MMP17: variants seen among roughly 807,000 people sequenced by gnomAD.
MMP17 encodes the protein matrix metalloproteinase-17.
MMP17 carries 54 observed loss-of-function variants against 49.1 expected under a neutral mutation model. The ratio of observed to expected loss-of-function variants is 1.10; its 90% CI spans 0.88 to 1.38. The LOEUF is 1.38. Ranked by LOEUF, MMP17 falls within the 40% of genes most tolerant of loss-of-function variation. The pLI is 0.00. For missense variants in MMP17, 837 were observed against 853.7 expected (o/e 0.98, Z 0.24); for synonymous variants, 397 against 383.1 (o/e 1.04, Z -0.42).
chr12:131,836,793 A>C (rs1887106649), intron 1 of MMP17, among the ~76,000 whole-genome samples: 1 of 152,032 alleles, frequency 6.6e-6, no homozygotes, highest in South Asian at 2.1e-4. Flanking sequence ...GCGAGTATCC[A>C]CAGGGCAGAG....
At chr12:131,834,035 G>A (rs1359960172) in intron 1 of MMP17, among the ~76,000 whole-genome samples, 1 of 152,266 alleles carries the variant, frequency 6.6e-6, no homozygotes, top group Non-Finnish European at 1.5e-5. Context: ...TGAATCCAGA[G>A]TGGGCCTGGG....
chr12:131,836,423 G>A lies in MMP17; in HGVS notation c.160-1772G>A, dbSNP rs577570597. On this transcript the variant is annotated intron_variant, in intron 1 of 9. Transcript: ENST00000360564. ...ACCAGCTCCTGCAGACCAGAACCTG[G>A]AGGCCCAGCAGGTGGCATAAATGAG... 2.2e-3 allele frequency among the ~76,000 whole-genome samples: 340 copies of A among 152,008 alleles called. 3 individuals are homozygous for A. The highest frequency in any genetic ancestry group is 0.01 in the Middle Eastern group (3 of 290).
At chr12:131,833,063 A>G (rs1209502933) in intron 1 of MMP17, among the ~76,000 whole-genome samples, 1 of 152,214 alleles carries the variant, frequency 6.6e-6, no homozygotes, top group African/African-American at 2.4e-5. Flanking sequence ...GGCTGAGCTG[A>G]GGATACATGT....
chr12:131,830,865 C>G (rs1222251567), intron 1 of MMP17, among the ~76,000 whole-genome samples: 1 of 152,220 alleles, frequency 6.6e-6, no homozygotes, highest in East Asian at 1.9e-4. Flanking sequence ...AAAGAGCGCA[C>G]TGTCCCCCCG....
At chr12:131,828,935 C>T (rs2136301940) in intron 1 of MMP17, among the ~76,000 whole-genome samples, 1 of 152,124 alleles carries the variant, frequency 6.6e-6, no homozygotes, top group African/African-American at 2.4e-5. Context: ...GTGAGGGGGT[C>T]GCCCACCCGG....
At chr12:131,850,736 G>A (rs1268615071) in intron 9 of MMP17, among the ~76,000 whole-genome samples, 189 bp from the exon 10 acceptor site, 3 of 150,322 alleles carry the variant, frequency 2.0e-5, no homozygotes, top group Non-Finnish European at 4.4e-5. Context: ...CATCTAGCAC[G>A]AGCCGCCCCC....
chr12:131,840,477 G>A (rs1566087092), intron 3 of MMP17, 96 bp from the exon 4 acceptor site: 2 of 1,372,818 alleles, frequency 1.5e-6, no homozygotes, highest in Non-Finnish European at 2.0e-6. Flanking sequence ...CCCTCATAGG[G>A]GCACCCCCGG....
chr12:131,830,567 C>T (rs1383491387), intron 1 of MMP17, among the ~76,000 whole-genome samples: 3 of 152,242 alleles, frequency 2.0e-5, no homozygotes, highest in East Asian at 1.9e-4. Context: ...CGGGCGGCTT[C>T]CCCGCGGGGA....
chr12:131,840,489 C>G, intron 3 of MMP17, 84 bp from the exon 4 acceptor site: 1 of 1,454,060 alleles, frequency 6.9e-7, no homozygotes, highest in South Asian at 1.3e-5. Flanking sequence ...CACCCCCGGG[C>G]TGAGGAGGGG....
At position 131,845,465 on chromosome 12, in the gene MMP17, C is replaced by T. The variant is rs116392475; in HGVS notation, c.1204+16C>T. ...TTCTTTAAAGGTGGGTGGGCCTCCCCGTCGCACTCCGGGCTTCCCGGGCCC... is the reference window on the plus strand; with the variant it reads ...TTCTTTAAAGGTGGGTGGGCCTCCCTGTCGCACTCCGGGCTTCCCGGGCCC... On this transcript the variant is annotated intron_variant, in intron 8 of 9. Transcript: ENST00000360564. 1,278 of 1,544,024 alleles carry T rather than the reference C, an allele frequency of 8.3e-4. 8 individuals carry two copies. In the African/African-American group the frequency reaches 0.014, roughly 17 times the overall value.
chr12:131,839,781 C>T (rs1250737557), intron 3 of MMP17, among the ~76,000 whole-genome samples: 2 of 152,044 alleles, frequency 1.3e-5, no homozygotes, highest in Admixed American at 1.3e-4. Flanking sequence ...GACCCCGTCT[C>T]TACTAAAAAT....
chr12:131,841,844 G>A (rs371207608), intron 5 of MMP17, 44 bp downstream of exon 5: 78 of 1,515,266 alleles, frequency 5.1e-5, no homozygotes, highest in Non-Finnish European at 6.3e-5. Context: ...CTGGAAGAGG[G>A]GTCAGAAACC....
intron 5 of MMP17, among the ~76,000 whole-genome samples, chr12:131,842,893 C>T (rs1431649659): frequency 6.6e-6 from 1 of 152,210 alleles, no homozygotes; most frequent in Non-Finnish European, 1.5e-5. Flanking sequence ...CACCCACTAC[C>T]ACCGAAGGAG....
In MMP17 at chr12:131,829,940, C is replaced by T. The variant is rs547992989; in HGVS notation, c.159+1287C>T. On this transcript the variant is annotated intron_variant, in intron 1 of 9. Transcript: ENST00000360564. ...TCCTTCCAGCCAGGCAGCCTGTGAA[C>T]TTGGGGTGCCCCCCTCCACCTCCTC... is the stretch of plus-strand genomic sequence containing the variant. 1.1e-4 allele frequency among the ~76,000 whole-genome samples: 16 copies of T among 152,360 alleles called. 1 individual carries two copies. The South Asian group carries it at 3.1e-3, about 30-fold the overall frequency.
In MMP17 at chr12:131,841,722, T is replaced by G. The variant is rs766474828; in HGVS notation, c.805T>G (p.Tyr269Asp). ...VAAAHSIMRP[Y>D]YQGPVGDPLR... is the part of the protein sequence containing the mutation. ...CGCTGCACACTCCATCATGCGGCCG[T>G]ACTACCAGGGCCCGGTGGGTGACCC... Residue 269 changes from tyrosine to aspartate, a missense_variant, in exon 5 of 10, where the codon TAC becomes GAC. Coordinates refer to ENST00000360564, the MANE Select transcript of MMP17 (RefSeq NM_016155.7). 6.2e-7 allele frequency: 1 copy of G among 1,613,658 alleles called. No homozygotes were observed. The highest frequency in any genetic ancestry group is 1.3e-5 in the African/African-American group (1 of 74,916).
chr12:131,845,645 T>A (rs543805106), intron 8 of MMP17, among the ~76,000 whole-genome samples, 196 bp downstream of exon 8: 13 of 152,304 alleles, frequency 8.5e-5, no homozygotes, highest in African/African-American at 2.6e-4. Context: ...AGGCAGCCGC[T>A]GTAGGCACAC....
intron 9 of MMP17, 72 bp downstream of exon 9, chr12:131,850,131 C>A: frequency 3.4e-6 from 5 of 1,486,130 alleles, no homozygotes; most frequent in Non-Finnish European, 4.5e-6. Context: ...CACTACAGGG[C>A]AGCCAAGAGG....
In MMP17 at chr12:131,838,342, G is replaced by A. The variant is rs1450093247; in HGVS notation, c.292+15G>A. The A allele has an allele frequency of 3.1e-6, 5 of 1,610,736 alleles. No individual in the cohort carries two copies. Among genetic ancestry groups the A allele is most frequent in the Non-Finnish European group, 4.2e-6 (5 of 1,179,196 alleles). On this transcript the variant is annotated intron_variant, in intron 2 of 9. Coordinates refer to ENST00000360564, the MANE Select transcript of MMP17 (RefSeq NM_016155.7). ...CGGCATCCTGGGTCAGTTCTCCAGG[G>A]GGCAGCGGGAGCGCCGTGGCCCCCG...
chr12:131,845,929 C>A (rs1398420962), intron 8 of MMP17, among the ~76,000 whole-genome samples: 1 of 152,176 alleles, frequency 6.6e-6, no homozygotes, highest in East Asian at 1.9e-4. Flanking sequence ...AGGCTCGGGA[C>A]AGAAGCGTGA....
Sources: allele counts gnomAD v4.1 joint callset (sites outside exome capture counted in the v4.1 genomes callset), GRCh38; gene constraint gnomAD v4.1.1; transcripts MANE v1.5; gene names NCBI Gene and HGNC (gene_info 2026-07-23, HGNC 2026-07-21).